The following CDH23 variants were observed in gnomAD, a reference collection of about 807,000 sequenced individuals.
CDH23 encodes the protein cadherin-23.
CDH23 carries 189 observed loss-of-function variants against 317.1 expected under a neutral mutation model. The observed-to-expected ratio is 0.60, with a 90% confidence interval of 0.53 to 0.67. The LOEUF (loss-of-function observed/expected upper bound fraction) is 0.67. Ranked by LOEUF, CDH23 falls within the 30% of genes least tolerant of loss-of-function variation. The pLI, the probability that CDH23 is intolerant of heterozygous loss-of-function variation, is 0.00. For missense variants in CDH23, 4,401 were observed against 4,592.4 expected (o/e 0.96, Z 1.20); for synonymous variants, 1,839 against 1,876.8 (o/e 0.98, Z 0.52).
intron 1 of CDH23, among the ~76,000 whole-genome samples, chr10:71,416,633 GT>G (rs1175133125): frequency 6.6e-6 from 1 of 151,190 alleles, no homozygotes; most frequent in African/African-American, 2.4e-5. Flanking sequence ...AATTTTTGCA[GT>G]TTTTGCTCAT....
At chr10:71,526,913 A>G (rs577321715) in intron 6 of CDH23, among the ~76,000 whole-genome samples, 2 of 152,216 alleles carry the variant, frequency 1.3e-5, no homozygotes, top group South Asian at 2.1e-4. Context: ...CTGCACCTCT[A>G]TTGACCAAGG....
chr10:71,711,416 C>T (rs1401221672), intron 27 of CDH23, among the ~76,000 whole-genome samples: 1 of 152,156 alleles, frequency 6.6e-6, no homozygotes, highest in Non-Finnish European at 1.5e-5. Flanking sequence ...GGTCTCCAGG[C>T]TACTCCAGCT....
intron 28 of CDH23, among the ~76,000 whole-genome samples, chr10:71,720,656 G>A (rs1214786675): frequency 6.6e-6 from 1 of 152,222 alleles, no homozygotes; most frequent in Non-Finnish European, 1.5e-5. Context: ...CTGGTTTTTA[G>A]CTGTTCCCTC....
intron 3 of CDH23, among the ~76,000 whole-genome samples, chr10:71,474,726 T>G (rs1851699726): frequency 6.6e-6 from 1 of 152,246 alleles, no homozygotes; most frequent in South Asian, 2.1e-4. Context: ...CTGGTAGTCT[T>G]TCCTTCTTAA....
chr10:71,532,041 G>A (rs1043057093), intron 6 of CDH23, among the ~76,000 whole-genome samples: 10 of 152,160 alleles, frequency 6.6e-5, no homozygotes, highest in African/African-American at 2.4e-4. Context: ...GAGTCCCTCA[G>A]AGAGACCCCA....
At chr10:71,794,730 G>C (rs1841355614) in intron 48 of CDH23, 1 of 152,234 alleles carries the variant, frequency 6.6e-6, no homozygotes, top group African/African-American at 2.4e-5. Context: ...ATGCACTGCT[G>C]TAGGAGTTGT....
chr10:71,807,187 TA>T, intron 57 of CDH23, 89 bp from the exon 58 acceptor site: 1 of 1,513,358 alleles, frequency 6.6e-7, no homozygotes, highest in Non-Finnish European at 9.0e-7. Flanking sequence ...CCTCAGCACC[TA>T]CAAAGTCACT....
At chr10:71,805,673 G>T (rs1841690810) in intron 55 of CDH23, 133 bp from the exon 56 acceptor site, 1 of 859,044 alleles carries the variant, frequency 1.2e-6, no homozygotes, top group Non-Finnish European at 1.7e-6. Context: ...GAGCAGGCAG[G>T]CGCTCCTGGC....
chr10:71,403,426 T>C (rs1320739989), intron 1 of CDH23, among the ~76,000 whole-genome samples: 1 of 71,394 alleles, frequency 1.4e-5, no homozygotes, highest in Non-Finnish European at 2.4e-5. Flanking sequence ...CCTTCCTTCC[T>C]TCCTTCCTTC....
At chr10:71,413,459 G>C (rs966199465) in intron 1 of CDH23, among the ~76,000 whole-genome samples, 3 of 151,988 alleles carry the variant, frequency 2.0e-5, no homozygotes, top group Non-Finnish European at 4.4e-5. Flanking sequence ...TTGACTATTT[G>C]GGGGTACTTT....
chr10:71,729,990 A>G (rs925015962), intron 30 of CDH23, among the ~76,000 whole-genome samples: 1 of 151,716 alleles, frequency 6.6e-6, no homozygotes, highest in Non-Finnish European at 1.5e-5. Flanking sequence ...GCCCGCCACC[A>G]CGCCCGGCTA....
chr10:71,450,531 G>A (rs1353195163), intron 3 of CDH23, among the ~76,000 whole-genome samples: 2 of 152,120 alleles, frequency 1.3e-5, no homozygotes, highest in Non-Finnish European at 2.9e-5. Context: ...GCCTCCCAAA[G>A]TGCTAGGATT....
intron 20 of CDH23, 31 bp downstream of exon 20, chr10:71,690,615 C>T (rs1322163269): frequency 6.8e-7 from 1 of 1,463,576 alleles, no homozygotes; most frequent in Non-Finnish European, 9.4e-7. Context: ...TACCCTGGTC[C>T]TCCACACCCT....
chr10:71,570,735 TGA>T (rs1199810234), intron 7 of CDH23, 53 bp from the exon 8 acceptor site: 8 of 1,557,566 alleles, frequency 5.1e-6, no homozygotes, highest in Non-Finnish European at 5.2e-6. Flanking sequence ...CATATGTGTG[TGA>T]GTGTCCCCAC....
intron 19 of CDH23, 75 bp downstream of exon 19, chr10:71,687,794 A>AC: frequency 7.2e-7 from 1 of 1,380,794 alleles, no homozygotes; most frequent in Non-Finnish European, 1.0e-6. Flanking sequence ...GGATGTGCAG[A>AC]CCCCGGCTCT....
intron 28 of CDH23, chr10:71,716,205 T>C: frequency 2.6e-6 from 4 of 1,551,104 alleles, no homozygotes; most frequent in Non-Finnish European, 3.5e-6. Flanking sequence ...AGGAGGAAGA[T>C]GCAGGCCAGG....
At chr10:71,520,784 C>T (rs1854628202) in intron 6 of CDH23, among the ~76,000 whole-genome samples, 1 of 152,182 alleles carries the variant, frequency 6.6e-6, no homozygotes, top group Admixed American at 6.5e-5. Flanking sequence ...TTGGTCCCTT[C>T]ACTTATCCTA....
At chr10:71,730,327 C>G in intron 30 of CDH23, 142 bp from the exon 31 acceptor site, 1 of 1,019,930 alleles carries the variant, frequency 9.8e-7, no homozygotes, top group South Asian at 1.7e-5. Flanking sequence ...AGTGACCCAC[C>G]AGACAGGCCT....
chr10:71,741,009 C>A (rs1839719686), intron 37 of CDH23, 59 bp downstream of exon 37: 1 of 1,598,136 alleles, frequency 6.3e-7, no homozygotes, highest in Non-Finnish European at 8.6e-7. Context: ...GGGCACGAGC[C>A]AACCATGCAG....
Sources: allele counts gnomAD v4.1 joint callset (sites outside exome capture counted in the v4.1 genomes callset), GRCh38; gene constraint gnomAD v4.1.1; transcripts MANE v1.5; gene names NCBI Gene and HGNC (gene_info 2026-07-23, HGNC 2026-07-21).